Variants in PCDHGA1 observed in about 807,000 individuals in gnomAD.
PCDHGA1 encodes protocadherin gamma-A1.
PCDHGA1 carries 32 observed loss-of-function variants against 58.0 expected under a neutral mutation model. The observed-to-expected ratio is 0.55, with a 90% CI of 0.42 to 0.74. The LOEUF (loss-of-function observed/expected upper bound fraction) is 0.74, where lower values mean the gene tolerates loss of function less well. PCDHGA1 is among the 30% of genes least tolerant of loss of function. The pLI, the probability that PCDHGA1 is intolerant of heterozygous loss-of-function variation, is 0.00. For missense variants in PCDHGA1, 1,205 were observed against 1,182.3 expected (o/e 1.02, Z -0.28); for synonymous variants, 498 against 501.1 (o/e 0.99, Z 0.08).
At chr5:141,390,066 G>A (rs2092035559) in intron 1 of PCDHGA1, 2 of 1,614,052 alleles carry the variant, frequency 1.2e-6, no homozygotes, top group East Asian at 2.2e-5. Flanking sequence ...CTTCCAGCCT[G>A]GTCTCTGTGT....
At chr5:141,510,158 A>G (rs1406170246) in intron 3 of PCDHGA1, among the ~76,000 whole-genome samples, 1 of 152,018 alleles carries the variant, frequency 6.6e-6, no homozygotes, top group African/African-American at 2.4e-5. Flanking sequence ...CTGTAATCTC[A>G]GCTACTCAGG....
rs1230717990 is a variant in PCDHGA1, at chr5:141,431,707, G to A, written c.2422-63100G>A. The A allele has an allele frequency of 6.2e-7, 1 of 1,614,232 alleles. No homozygotes were observed. Among genetic ancestry groups the A allele is most frequent in the South Asian group, 1.1e-5 (1 of 91,088 alleles). On this transcript the variant is annotated intron_variant, in intron 1 of 3. Coordinates refer to ENST00000517417, the MANE Select transcript of PCDHGA1 (RefSeq NM_018912.3). This position sits in a 1 kb window ranked among gnomAD's most constrained non-coding sequence, Gnocchi z 4.8. ...ACCACGAGGAGTCAGGATTCTACCAGATGGAAGTGCAAGCAATGGATAATG... is the reference window on the plus strand; with the variant it reads ...ACCACGAGGAGTCAGGATTCTACCAAATGGAAGTGCAAGCAATGGATAATG...
intron 1 of PCDHGA1, chr5:141,395,524 T>A: frequency 2.5e-6 from 1 of 392,376 alleles, no homozygotes; most frequent in Non-Finnish European, 4.5e-6. Flanking sequence ...CCGTCCATAC[T>A]GGTAATTTTG....
intron 1 of PCDHGA1, among the ~76,000 whole-genome samples, chr5:141,387,359 C>A (rs2150333777): frequency 6.6e-6 from 1 of 152,208 alleles, no homozygotes; most frequent in East Asian, 1.9e-4. Flanking sequence ...TAGGCCAAGT[C>A]TGTGTTATGG....
chr5:141,433,255 A>G (rs2097579829), intron 1 of PCDHGA1: 2 of 1,401,470 alleles, frequency 1.4e-6, no homozygotes, highest in South Asian at 1.4e-5. Context: ...ATGCAGCGGT[A>G]CGATCATAGC....
chr5:141,357,964 C>T (rs12386471), intron 1 of PCDHGA1, among the ~76,000 whole-genome samples: 21,408 of 152,030 alleles, frequency 0.14, 2,088 homozygotes, highest in African/African-American at 0.28. Flanking sequence ...GTGAGGAGGA[C>T]GGATTGCCTG....
Position 141,491,402 on chromosome 5 carries a change from C to T in PCDHGA1, c.2422-3405C>T. 1 of 1,614,156 alleles carries T rather than the reference C, an allele frequency of 6.2e-7. No individual in the cohort carries two copies. Among genetic ancestry groups the T allele is most frequent in the Non-Finnish European group, 8.5e-7 (1 of 1,180,022 alleles). ...TCAGCGAAGTGCCTTCAGGGAAACG[C>T]AGACGGGGACGGGGGTGGAGGGCAG... On this transcript the variant is annotated intron_variant, in intron 1 of 3. Transcript: ENST00000517417. The surrounding 1 kb of genome is among the most constrained non-coding windows in gnomAD (Gnocchi z 6.9).
chr5:141,421,533 C>T (rs80184002), intron 1 of PCDHGA1: 1 of 1,614,044 alleles, frequency 6.2e-7, no homozygotes, highest in African/African-American at 1.3e-5. Flanking sequence ...CGGTGTCCTC[C>T]TGTTTTTTAA....
chr5:141,418,862 G>C (rs749632113), intron 1 of PCDHGA1: 1 of 1,613,994 alleles, frequency 6.2e-7, no homozygotes, highest in Non-Finnish European at 8.5e-7. Context: ...TAAAGTAATT[G>C]TAGAAGTTGT....
intron 1 of PCDHGA1, chr5:141,375,994 G>T (rs553803944): frequency 1.2e-6 from 2 of 1,613,410 alleles, no homozygotes; most frequent in East Asian, 2.2e-5. Context: ...ACAGAGACGC[G>T]CTCAAGCAGA....
intron 1 of PCDHGA1, chr5:141,478,023 A>G (rs2099428714): frequency 6.2e-7 from 1 of 1,614,112 alleles, no homozygotes; most frequent in South Asian, 1.1e-5. Flanking sequence ...CCAGTCCAAG[A>G]CACAGATTCA....
At chr5:141,363,356 T>C (rs1167881605) in intron 1 of PCDHGA1, among the ~76,000 whole-genome samples, 3 of 152,250 alleles carry the variant, frequency 2.0e-5, no homozygotes, top group Non-Finnish European at 4.4e-5. Context: ...GAAATGTCCA[T>C]TTTTTTCAAT....
At chr5:141,408,716 A>G in intron 1 of PCDHGA1, 2 of 1,611,732 alleles carry the variant, frequency 1.2e-6, no homozygotes, top group East Asian at 2.2e-5. Context: ...AGATTATAAG[A>G]TAAACTCTAA....
intron 1 of PCDHGA1, among the ~76,000 whole-genome samples, chr5:141,475,007 G>A (rs1017671344): frequency 2.0e-5 from 3 of 152,178 alleles, no homozygotes; most frequent in East Asian, 1.9e-4. Flanking sequence ...ATGCAGAAAA[G>A]TTAAGGCTCT....
In PCDHGA1 at chr5:141,394,836, T is replaced by G. The variant is rs116789057; in HGVS notation, c.2421+61731T>G. On this transcript the variant is annotated intron_variant, in intron 1 of 3. Transcript: ENST00000517417. Reference sequence around the variant, plus strand: ...CAGCATCCCCGAAGTCCTGACCGAGTTGGGCAGTCTGAAGCCTTCGGTCGA... The same window carrying G: ...CAGCATCCCCGAAGTCCTGACCGAGGTGGGCAGTCTGAAGCCTTCGGTCGA... 1,507 of 1,613,748 alleles carry G rather than the reference T, an allele frequency of 9.3e-4. 9 individuals carry two copies. The African/African-American group carries it at 0.016, about 17-fold the overall frequency.
At chr5:141,379,214 T>A (rs1775449550) in intron 1 of PCDHGA1, 1 of 152,234 alleles carries the variant, frequency 6.6e-6, no homozygotes, top group Non-Finnish European at 1.5e-5. Flanking sequence ...CTGCTAAGAG[T>A]AATATGTGTT....
At chr5:141,364,986 A>C (rs1223018710) in intron 1 of PCDHGA1, 1 of 1,613,768 alleles carries the variant, frequency 6.2e-7, no homozygotes. Context: ...GATGGCGGAG[A>C]CCCGGTACTC....
chr5:141,343,981 C>A lies in PCDHGA1; in HGVS notation c.2421+10876C>A, dbSNP rs766221087. ...TTTCTTGAGAAAATAAGATTGGAGT[C>A]CGTCGTAGGAAACTGGAACCGAATT... On this transcript the variant is annotated intron_variant, in intron 1 of 3. Transcript: ENST00000517417. 464 of 1,417,526 alleles carry A rather than the reference C, an allele frequency of 3.3e-4. 3 individuals carry two copies. The highest frequency in any genetic ancestry group is 1.8e-3 in the Middle Eastern group (9 of 5,134). The allele number at this position is 1,417,526 out of a possible 1,614,324, so 87.8% of individuals were successfully genotyped here. A position where few individuals can be genotyped will look rare whatever the true frequency, so the allele number is the denominator to read the frequency against.
chr5:141,399,704 T>A, intron 1 of PCDHGA1: 1 of 1,613,424 alleles, frequency 6.2e-7, no homozygotes, highest in Non-Finnish European at 8.5e-7. Context: ...ACCTTCGAAC[T>A]CACACTACAG....
Sources: allele counts gnomAD v4.1 joint callset (sites outside exome capture counted in the v4.1 genomes callset), GRCh38; gene constraint gnomAD v4.1.1; non-coding constraint Gnocchi (gnomAD v3.1); transcripts MANE v1.5; gene names NCBI Gene and HGNC (gene_info 2026-07-23, HGNC 2026-07-21).